The following DOCK8 variants were observed in gnomAD, a reference collection of about 807,000 sequenced individuals.
The protein encoded by DOCK8 is dedicator of cytokinesis protein 8.
Under a neutral mutation model 245.6 loss-of-function variants are expected in DOCK8, and 141 were observed. The observed-to-expected ratio is 0.57, with a 90% CI of 0.50 to 0.66. The LOEUF (loss-of-function observed/expected upper bound fraction) is 0.66. Ranked by LOEUF, DOCK8 falls within the 30% of genes least tolerant of loss-of-function variation. The probability of loss-of-function intolerance (pLI) is 0.00; values close to 1 mark genes in which losing one functional copy is unlikely to be tolerated. For synonymous variants in DOCK8, 1,168 were observed against 970.2 expected (o/e 1.20, Z -3.79); for missense variants, 2,965 against 2,603.4 (o/e 1.14, Z -3.02).
intron 26 of DOCK8, among the ~76,000 whole-genome samples, chr9:403,858 A>ATCTCTCTCTCTCTCTCTC (rs749646963): frequency 8.3e-5 from 7 of 83,970 alleles, no homozygotes; most frequent in African/African-American, 3.2e-4. Flanking sequence ...AAGACTCTGT[A>ATCTCTCTCTCTCTCTCTC]TCTCTCTCTC....
At chr9:237,809 T>C (rs1692984061) in intron 1 of DOCK8, among the ~76,000 whole-genome samples, 1 of 152,154 alleles carries the variant, frequency 6.6e-6, no homozygotes, top group Non-Finnish European at 1.5e-5. Flanking sequence ...TAAAATATTT[T>C]AGGAAAAACC....
intron 7 of DOCK8, among the ~76,000 whole-genome samples, 191 bp from the exon 8 acceptor site, chr9:325,480 A>AT (rs1413346558): frequency 6.6e-6 from 1 of 152,224 alleles, no homozygotes; most frequent in African/African-American, 2.4e-5. Context: ...ATCTCAAATG[A>AT]TTAGGAATTT....
intron 1 of DOCK8, among the ~76,000 whole-genome samples, chr9:231,233 A>C (rs1427149423): frequency 6.6e-6 from 1 of 152,048 alleles, no homozygotes; most frequent in Non-Finnish European, 1.5e-5. Context: ...ATTATTTCTG[A>C]GGGCTCTGTT....
At position 377,711 on chromosome 9, in the gene DOCK8, C is replaced by T. The variant is rs181292024; in HGVS notation, c.2440+500C>T. Among the ~76,000 whole-genome samples, 28 of 152,304 alleles carry T rather than the reference C, an allele frequency of 1.8e-4. No individual in the cohort carries two copies. The South Asian group carries it at 4.8e-3, about 26-fold the overall frequency. The stretch of plus-strand genomic sequence containing the variant: ...AAGGTTGTGCAATGATCGCTACAAT[C>T]TAGTTTTATAACATTTTCATCACCT... On this transcript the variant is annotated intron_variant, in intron 20 of 47. Coordinates refer to ENST00000432829, the MANE Select transcript of DOCK8 (RefSeq NM_203447.4).
chr9:449,688 C>G (rs1162136401), intron 44 of DOCK8, 96 bp from the exon 45 acceptor site: 2 of 1,537,352 alleles, frequency 1.3e-6, no homozygotes, highest in Non-Finnish European at 1.8e-6. Flanking sequence ...CTAGCTGCCT[C>G]TTCAAATTCA....
intron 6 of DOCK8, chr9:312,873 C>G (rs1349954879): frequency 5.5e-6 from 1 of 180,776 alleles, no homozygotes; most frequent in Non-Finnish European, 1.2e-5. Flanking sequence ...ATCTACACTT[C>G]TGGGTCTTGC....
At chr9:253,550 G>C (rs1462619735) in intron 1 of DOCK8, among the ~76,000 whole-genome samples, 1 of 152,160 alleles carries the variant, frequency 6.6e-6, no homozygotes, top group East Asian at 1.9e-4. Context: ...TTCATTGGAA[G>C]TAAGGCTCTG....
chr9:463,118 G>T (rs781387946), intron 46 of DOCK8, among the ~76,000 whole-genome samples: 1 of 152,118 alleles, frequency 6.6e-6, no homozygotes, highest in African/African-American at 2.4e-5. Flanking sequence ...TGGGCCAGAA[G>T]CAATGGCCCA....
chr9:427,431 C>T (rs1172202544), intron 34 of DOCK8, among the ~76,000 whole-genome samples: 2 of 152,166 alleles, frequency 1.3e-5, no homozygotes, highest in Admixed American at 6.5e-5. Flanking sequence ...ATGATGTCTT[C>T]TTTGGACTTA....
At chr9:298,920 G>A (rs1441216167) in intron 4 of DOCK8, among the ~76,000 whole-genome samples, 1 of 150,102 alleles carries the variant, frequency 6.7e-6, no homozygotes, top group Non-Finnish European at 1.5e-5. Context: ...AAAGGCAAAG[G>A]GCAAATACTA....
At chr9:464,071 C>G in intron 47 of DOCK8, 88 bp from the exon 48 acceptor site, 1 of 1,152,240 alleles carries the variant, frequency 8.7e-7, no homozygotes, top group East Asian at 2.3e-5. Flanking sequence ...GGGTGATCCA[C>G]CCCCAACCCT....
intron 1 of DOCK8, among the ~76,000 whole-genome samples, chr9:245,897 A>G (rs1456091808): frequency 6.6e-6 from 1 of 152,164 alleles, no homozygotes; most frequent in Non-Finnish European, 1.5e-5. Flanking sequence ...TATTCAGACA[A>G]TTTAGGCAAG....
intron 19 of DOCK8, among the ~76,000 whole-genome samples, 179 bp downstream of exon 19, chr9:376,484 CT>C (rs1563982263): frequency 6.6e-6 from 1 of 152,164 alleles, no homozygotes; most frequent in East Asian, 1.9e-4. Context: ...ATAGAAAGAC[CT>C]TACAAAACCG....
intron 1 of DOCK8, among the ~76,000 whole-genome samples, chr9:217,904 A>G (rs2046797020): frequency 6.6e-6 from 1 of 152,226 alleles, no homozygotes; most frequent in African/African-American, 2.4e-5. Flanking sequence ...AAACTGCTCC[A>G]AAGACTGTGC....
At chr9:450,877 C>T (rs1266482706) in intron 45 of DOCK8, among the ~76,000 whole-genome samples, 1 of 150,676 alleles carries the variant, frequency 6.6e-6, no homozygotes, top group Admixed American at 6.7e-5. Context: ...GCCATGAAGG[C>T]AACTAGATAA....
chr9:298,628 T>C (rs1332974742), intron 4 of DOCK8, among the ~76,000 whole-genome samples: 2 of 147,870 alleles, frequency 1.4e-5, no homozygotes, highest in Non-Finnish European at 3.0e-5. Context: ...AGTGTGTGTG[T>C]GTGTGTGTGT....
chr9:417,017 C>T (rs890114784), intron 29 of DOCK8, among the ~76,000 whole-genome samples: 11 of 152,128 alleles, frequency 7.2e-5, no homozygotes, highest in Middle Eastern at 3.2e-3. Context: ...GGTTTTGGCT[C>T]GGTGTGGTGG....
At chr9:400,531 C>T (rs2054883807) in intron 26 of DOCK8, among the ~76,000 whole-genome samples, 1 of 77,350 alleles carries the variant, frequency 1.3e-5, no homozygotes, top group Non-Finnish European at 2.3e-5. Context: ...CCACCATCAC[C>T]ACCACCTCCA....
intron 1 of DOCK8, among the ~76,000 whole-genome samples, chr9:264,510 A>G (rs1014895951): frequency 2.0e-5 from 3 of 152,248 alleles, no homozygotes; most frequent in African/African-American, 7.2e-5. Context: ...GATAGAGAAT[A>G]TGAGAAACGA....
Sources: gnomAD v4.1 joint callset for allele counts (sites outside exome capture counted in the v4.1 genomes callset) on GRCh38, gnomAD v4.1.1 for gene constraint, MANE v1.5 for transcripts, NCBI Gene and HGNC (gene_info 2026-07-23, HGNC 2026-07-21) for gene names.